Variants in DCC observed in about 807,000 individuals in gnomAD.
DCC encodes the protein netrin receptor DCC.
DCC carries 58 observed loss-of-function variants against 172.5 expected under a neutral mutation model. The ratio of observed to expected loss-of-function variants is 0.34; its 90% CI spans 0.27 to 0.42. The LOEUF is 0.42. Among genes scored for constraint, DCC ranks in the 10% least tolerant of loss-of-function variants. DCC has a pLI of 1.00. For synonymous variants in DCC, 709 were observed against 644.5 expected (o/e 1.10, Z -1.52); for missense variants, 1,740 against 1,791.0 (o/e 0.97, Z 0.51).
chr18:53,091,852 A>ATCT (rs2043016527), intron 7 of DCC, among the ~76,000 whole-genome samples: 11 of 103,298 alleles, frequency 1.1e-4, no homozygotes, highest in Non-Finnish European at 1.5e-4. Context: ...TCTATCTATC[A>ATCT]ATCTATCTAT....
At chr18:53,097,159 C>T (rs986784093) in intron 7 of DCC, among the ~76,000 whole-genome samples, 3 of 152,196 alleles carry the variant, frequency 2.0e-5, no homozygotes, top group African/African-American at 7.2e-5. Context: ...TTCTATCCAA[C>T]TGATTAATGA....
At chr18:53,119,924 C>G (rs1352641944) in intron 7 of DCC, among the ~76,000 whole-genome samples, 1 of 151,644 alleles carries the variant, frequency 6.6e-6, no homozygotes, top group Non-Finnish European at 1.5e-5. Context: ...AAATTATGCC[C>G]CCAAAATGTA....
At chr18:52,979,731 G>A (rs914581385) in intron 5 of DCC, among the ~76,000 whole-genome samples, 1 of 152,186 alleles carries the variant, frequency 6.6e-6, no homozygotes, top group Non-Finnish European at 1.5e-5. Context: ...AATGAGAAGA[G>A]CACCAATGGG....
At chr18:52,546,354 C>A (rs1435420189) in intron 1 of DCC, among the ~76,000 whole-genome samples, 2 of 151,970 alleles carry the variant, frequency 1.3e-5, no homozygotes, top group East Asian at 1.9e-4. Flanking sequence ...GAAGAAAGAT[C>A]AAAGCCACGA....
At chr18:52,561,013 G>A (rs951711728) in intron 1 of DCC, among the ~76,000 whole-genome samples, 7 of 152,034 alleles carry the variant, frequency 4.6e-5, no homozygotes, top group Admixed American at 4.6e-4. Context: ...CATATGGAAG[G>A]TTGAATATTT....
chr18:53,028,362 A>G (rs1782996415), intron 5 of DCC, among the ~76,000 whole-genome samples: 1 of 152,266 alleles, frequency 6.6e-6, no homozygotes, highest in South Asian at 2.1e-4. Flanking sequence ...CTCTCAGTCA[A>G]TTAATGAAGC....
chr18:52,875,035 G>C (rs770037676), intron 2 of DCC, among the ~76,000 whole-genome samples: 9 of 152,108 alleles, frequency 5.9e-5, no homozygotes, highest in East Asian at 3.9e-4. Context: ...TTGCCTTCTG[G>C]GGTGTTTGGG....
intron 1 of DCC, among the ~76,000 whole-genome samples, chr18:52,661,061 G>T (rs538731769): frequency 1.2e-4 from 19 of 152,228 alleles, no homozygotes; most frequent in African/African-American, 4.3e-4. Flanking sequence ...TGATAAGGAT[G>T]GCAGGTAGCA....
intron 2 of DCC, among the ~76,000 whole-genome samples, chr18:52,842,491 A>G (rs958241221): frequency 1.3e-5 from 2 of 152,194 alleles, no homozygotes; most frequent in Non-Finnish European, 2.9e-5. Flanking sequence ...TTAATGGATT[A>G]GATGATGCTA....
rs2057112394 is a variant in DCC at position 53,299,887 on chromosome 18, T to C, written c.1912-5691T>C. On this transcript the variant is annotated intron_variant, in intron 12 of 28. Coordinates refer to ENST00000442544, the MANE Select transcript of DCC (RefSeq NM_005215.4). ...AGTTTACCTGATTTTACAAAGGTCATAGCAATAGACCTTAACTCACAGAGT... is the reference window on the plus strand; with the variant it reads ...AGTTTACCTGATTTTACAAAGGTCACAGCAATAGACCTTAACTCACAGAGT... 2.6e-5 allele frequency among the ~76,000 whole-genome samples: 4 copies of C among 152,314 alleles called. No individual in the cohort carries two copies. In the South Asian group the frequency reaches 8.3e-4, roughly 32 times the overall value.
intron 2 of DCC, among the ~76,000 whole-genome samples, chr18:52,894,726 G>A (rs2039703474): frequency 6.6e-6 from 1 of 151,948 alleles, no homozygotes; most frequent in Admixed American, 6.6e-5. Flanking sequence ...TCAGTTCAAA[G>A]GCAAGAGAAG....
Position 53,022,404 on chromosome 18 carries a change from T to C in DCC, c.986-40901T>C, listed in dbSNP as rs944969399. 6.6e-5 allele frequency among the ~76,000 whole-genome samples: 10 copies of C among 152,200 alleles called. No individual in the cohort carries two copies. In the South Asian group the frequency reaches 1.5e-3, roughly 22 times the overall value. ...AGGATAATAATACTATCTTATGAGA[T>C]AGTTGGAAGCACTAAGGGTTAATTG... On this transcript the variant is annotated intron_variant, in intron 5 of 28. Transcript: ENST00000442544.
chr18:52,476,741 A>T (rs978460915), intron 1 of DCC, among the ~76,000 whole-genome samples: 1 of 152,062 alleles, frequency 6.6e-6, no homozygotes, highest in Non-Finnish European at 1.5e-5. Context: ...TACCAAAAAA[A>T]CCTTGCAGTT....
intron 1 of DCC, among the ~76,000 whole-genome samples, chr18:52,592,779 G>C (rs556585721): frequency 6.6e-6 from 1 of 152,122 alleles, no homozygotes; most frequent in Non-Finnish European, 1.5e-5. Flanking sequence ...GATTACAGGC[G>C]TGTGCTTCCA....
chr18:52,981,571 T>C (rs2041209660), intron 5 of DCC, among the ~76,000 whole-genome samples: 1 of 152,170 alleles, frequency 6.6e-6, no homozygotes, highest in African/African-American at 2.4e-5. Flanking sequence ...GGAGCTTATT[T>C]AATCACAGAT....
At chr18:53,385,387 C>G (rs62099975) in intron 15 of DCC, among the ~76,000 whole-genome samples, 64,654 of 152,148 alleles carry the variant, frequency 0.42, 15,508 homozygotes, top group Non-Finnish European at 0.55. Context: ...CTTGCCAGCT[C>G]TGGATACAGA....
intron 2 of DCC, among the ~76,000 whole-genome samples, chr18:52,782,442 CT>C (rs2037563487): frequency 6.6e-6 from 1 of 152,066 alleles, no homozygotes; most frequent in African/African-American, 2.4e-5. Flanking sequence ...CCCCCATCCT[CT>C]CATCTCCTAC....
chr18:52,905,974 G>A (rs1188801608), intron 2 of DCC, 70 bp from the exon 3 acceptor site: 5 of 1,040,446 alleles, frequency 4.8e-6, no homozygotes, highest in Non-Finnish European at 6.0e-6. Flanking sequence ...AATACAAAGT[G>A]ATTATTTTTA....
intron 1 of DCC, among the ~76,000 whole-genome samples, chr18:52,629,705 C>T (rs552383886): frequency 2.4e-3 from 371 of 152,146 alleles, no homozygotes; most frequent in Non-Finnish European, 4.3e-3. Context: ...AATCCCAGCA[C>T]TTTGGGAGGC....
Sources: allele counts gnomAD v4.1 joint callset (sites outside exome capture counted in the v4.1 genomes callset), GRCh38; gene constraint gnomAD v4.1.1; transcripts MANE v1.5; gene names NCBI Gene and HGNC (gene_info 2026-07-23, HGNC 2026-07-21).